CLNK: variants seen among roughly 807,000 people sequenced by gnomAD.
CLNK encodes cytokine dependent hematopoietic cell linker, also known as cytokine-dependent hematopoietic cell linker.
A neutral mutation model predicts 68.6 loss-of-function variants in CLNK; 74 were observed. The observed-to-expected ratio is 1.08, with a 90% confidence interval of 0.89 to 1.31. CLNK has a LOEUF of 1.31. Ranked by LOEUF, CLNK falls within the 50% of genes most tolerant of loss-of-function variation. The pLI is 0.00. For missense variants in CLNK, 553 were observed against 515.3 expected, an observed-to-expected ratio of 1.07 and a Z score of -0.71; for synonymous variants, 198 against 172.2, an observed-to-expected ratio of 1.15 and a Z score of -1.17.
At chr4:10,512,690 A>T (rs1352245720) in intron 16 of CLNK, among the ~76,000 whole-genome samples, 1 of 152,018 alleles carries the variant, frequency 6.6e-6, no homozygotes, top group Non-Finnish European at 1.5e-5. Context: ...AGAAATCTTC[A>T]CGAACTCTGT....
chr4:10,670,375 C>T (rs1472184380), intron 1 of CLNK, among the ~76,000 whole-genome samples: 1 of 152,238 alleles, frequency 6.6e-6, no homozygotes, highest in East Asian at 1.9e-4. Context: ...GCTTATACAG[C>T]TACTTCATTC....
intron 4 of CLNK, among the ~76,000 whole-genome samples, chr4:10,575,996 C>A (rs1263744841): frequency 2.0e-5 from 3 of 152,214 alleles, no homozygotes; most frequent in African/African-American, 4.8e-5. Flanking sequence ...TGCCTCCCCC[C>A]AGGCAGTGGC....
At chr4:10,699,510 A>ATTTTTTT in the CLNK span, among the ~76,000 whole-genome samples, 4 of 19,472 alleles carry the variant, frequency 2.1e-4, no homozygotes, top group Non-Finnish European at 2.2e-4. Flanking sequence ...ATATATATAT[A>ATTTTTTT]TATTTTTTTT....
intron 17 of CLNK, among the ~76,000 whole-genome samples, chr4:10,502,184 T>A (rs1435757685): frequency 6.6e-6 from 1 of 152,132 alleles, no homozygotes; most frequent in Non-Finnish European, 1.5e-5. Flanking sequence ...ACTGGGTAAT[T>A]TATAAAGGAA....
intron 3 of CLNK, among the ~76,000 whole-genome samples, chr4:10,595,176 C>G (rs941420919): frequency 2.6e-5 from 4 of 152,196 alleles, no homozygotes; most frequent in African/African-American, 7.2e-5. Flanking sequence ...CCAACTGGTA[C>G]CACTTTCTAC....
chr4:10,652,400 A>AAAAC (rs1171145379), intron 2 of CLNK, among the ~76,000 whole-genome samples: 9 of 150,794 alleles, frequency 6.0e-5, no homozygotes, highest in African/African-American at 2.2e-4. Context: ...AAAAAAAAAA[A>AAAAC]AAAGGAAAAA....
At chr4:10,504,279 C>T (rs1023985428) in intron 17 of CLNK, among the ~76,000 whole-genome samples, 1 of 152,058 alleles carries the variant, frequency 6.6e-6, no homozygotes, top group Non-Finnish European at 1.5e-5. Context: ...CGCCACCACG[C>T]CCGGCTAACT....
At chr4:10,541,843 G>T (rs980715544) in intron 10 of CLNK, among the ~76,000 whole-genome samples, 179 bp downstream of exon 10, 1 of 151,712 alleles carries the variant, frequency 6.6e-6, no homozygotes, top group East Asian at 1.9e-4. Context: ...ATGAATGAAG[G>T]CTTGTTTAAT....
chr4:10,705,715 G>A, the CLNK span, among the ~76,000 whole-genome samples: 77 of 152,338 alleles, frequency 5.1e-4, no homozygotes, highest in African/African-American at 1.7e-3. Context: ...AAGGTCAGTT[G>A]ATTAGCACCC....
chr4:10,654,876 G>A (rs1200807566), intron 2 of CLNK, among the ~76,000 whole-genome samples: 2 of 152,220 alleles, frequency 1.3e-5, no homozygotes, highest in East Asian at 3.9e-4. Flanking sequence ...GCCGAGGCGG[G>A]CGGATCACTA....
chr4:10,691,529 TC>T, the CLNK span, among the ~76,000 whole-genome samples: 2 of 152,094 alleles, frequency 1.3e-5, no homozygotes, highest in Non-Finnish European at 2.9e-5. Flanking sequence ...TTAAATGGCA[TC>T]CATTGCTAGC....
At chr4:10,501,196 A>G in intron 18 of CLNK, 60 bp downstream of exon 18, 1 of 1,493,186 alleles carries the variant, frequency 6.7e-7, no homozygotes, top group Non-Finnish European at 8.9e-7. Context: ...ACATCCCCCA[A>G]ACTCTTCCTT....
the CLNK span, among the ~76,000 whole-genome samples, chr4:10,708,823 G>C: frequency 6.6e-6 from 1 of 152,174 alleles, no homozygotes; most frequent in African/African-American, 2.4e-5. Flanking sequence ...TTCATTCATA[G>C]CATTTACAGT....
In CLNK at chr4:10,566,044, A is replaced by G. The variant is rs1577133613; in HGVS notation, c.257T>C (p.Leu86Ser). The G allele has an allele frequency of 6.2e-7, 1 of 1,613,954 alleles. No homozygotes were observed. ...AGATTCCTTTATAGGCCGGGCTGGT[A>G]AAATTTTAATCGACTGCCATGTCTC... is the stretch of plus-strand genomic sequence containing the variant. ...MEETWQSIKI[L>S]PARPIKESEY... The change falls in exon 6 of 19, where the codon TTA becomes TCA. Residue 86 changes from leucine (L) to serine (S), a missense_variant. Physicochemically the swap from Leu to Ser is moderately radical, Grantham distance 145 (BLOSUM62 -2). Coordinates refer to ENST00000226951, the MANE Select transcript of CLNK (RefSeq NM_052964.4).
At chr4:10,701,646 A>C in the CLNK span, among the ~76,000 whole-genome samples, 6 of 152,238 alleles carry the variant, frequency 3.9e-5, no homozygotes, top group African/African-American at 1.4e-4. Context: ...AGTGCTTGCC[A>C]CACGCCACCA....
intron 1 of CLNK, among the ~76,000 whole-genome samples, chr4:10,681,738 T>C (rs1725097493): frequency 6.6e-6 from 1 of 152,174 alleles, no homozygotes; most frequent in Admixed American, 6.6e-5. Flanking sequence ...ATCATGAACC[T>C]GGGAACATCA....
chr4:10,709,742 A>C, the CLNK span, among the ~76,000 whole-genome samples: 1 of 152,274 alleles, frequency 6.6e-6, no homozygotes, highest in East Asian at 1.9e-4. Flanking sequence ...TTCTTAGCTC[A>C]CTTAGAACCC....
At chr4:10,587,684 T>C (rs906586946) in intron 3 of CLNK, among the ~76,000 whole-genome samples, 4 of 152,206 alleles carry the variant, frequency 2.6e-5, no homozygotes, top group African/African-American at 9.7e-5. Context: ...AAATAACCTG[T>C]GGGCTCGCTG....
intron 2 of CLNK, among the ~76,000 whole-genome samples, chr4:10,625,959 C>T (rs966624274): frequency 2.0e-5 from 3 of 152,212 alleles, no homozygotes. Context: ...TCATTTCAAC[C>T]GTTCTTTTAA....
Sources: allele counts gnomAD v4.1 joint callset (sites outside exome capture counted in the v4.1 genomes callset), GRCh38; gene constraint gnomAD v4.1.1; transcripts MANE v1.5; gene names NCBI Gene and HGNC (gene_info 2026-07-23, HGNC 2026-07-21).